SCG3: variants seen among roughly 807,000 people sequenced by gnomAD.
SCG3 encodes secretogranin-3.
SCG3 carries 38 observed loss-of-function variants against 56.2 expected under a neutral mutation model. That is an observed-to-expected ratio of 0.68 (90% CI 0.52 to 0.89). The LOEUF is 0.89. Ranked by LOEUF, SCG3 falls within the 40% of genes least tolerant of loss-of-function variation. The pLI, the probability that SCG3 is intolerant of heterozygous loss-of-function variation, is 0.00. For synonymous variants in SCG3, 176 were observed against 184.2 expected (o/e 0.96, Z 0.36); for missense variants, 524 against 540.7 (o/e 0.97, Z 0.31).
intron 10 of SCG3, among the ~76,000 whole-genome samples, chr15:51,708,540 T>C (rs951725728): frequency 1.3e-5 from 2 of 152,204 alleles, no homozygotes; most frequent in African/African-American, 4.8e-5. Context: ...GCTAAGTGAT[T>C]TTAATGTGCA....
chr15:51,711,373 A>T (rs1203840272), intron 10 of SCG3, among the ~76,000 whole-genome samples: 1 of 152,244 alleles, frequency 6.6e-6, no homozygotes, highest in Non-Finnish European at 1.5e-5. Flanking sequence ...ATCAGAGAAG[A>T]TAGTAGAAAA....
At chr15:51,711,235 G>A (rs1024218558) in intron 10 of SCG3, among the ~76,000 whole-genome samples, 10 of 152,226 alleles carry the variant, frequency 6.6e-5, no homozygotes, top group Non-Finnish European at 1.2e-4. Flanking sequence ...AGTGGGTAAT[G>A]TTTGCCCCAC....
chr15:51,698,993 CA>C (rs1294996350), intron 8 of SCG3, among the ~76,000 whole-genome samples: 1 of 152,136 alleles, frequency 6.6e-6, no homozygotes, highest in Non-Finnish European at 1.5e-5. Context: ...GTGCAGTTAC[CA>C]CAAGGTGTTG....
In SCG3 at chr15:51,719,624, G is replaced by A; in HGVS notation, c.*98G>A. Reference sequence around the variant, plus strand: ...GTGATTAAAATTTTTTGACCCAAGGGTTATTAGAAAGTGCTGAATTTACAG... The same window carrying A: ...GTGATTAAAATTTTTTGACCCAAGGATTATTAGAAAGTGCTGAATTTACAG... On this transcript the variant is annotated 3_prime_UTR_variant, in exon 12 of 12. Coordinates refer to ENST00000220478, the MANE Select transcript of SCG3 (RefSeq NM_013243.4). 1.2e-6 allele frequency: 1 copy of A among 834,234 alleles called. No homozygotes were observed. Among genetic ancestry groups the A allele is most frequent in the Non-Finnish European group, 1.9e-6 (1 of 530,280 alleles). The allele number at this position is 834,234 out of a possible 1,614,324, so 51.7% of individuals were successfully genotyped here.
Position 51,681,749 on chromosome 15 carries a change from TG to T in SCG3, c.-5del. ...GCCGGGCTGTGACCCAAGCCGAGCG[TG>T]GAAGAATGGGGTTCCTCGGGACCGG... On this transcript the variant is annotated 5_prime_UTR_variant, in exon 1 of 12. Coordinates refer to ENST00000220478, the MANE Select transcript of SCG3 (RefSeq NM_013243.4). The T allele has an allele frequency of 6.2e-7, 1 of 1,610,848 alleles. No individual in the cohort carries two copies. The highest frequency in any genetic ancestry group is 8.5e-7 in the Non-Finnish European group (1 of 1,178,010).
chr15:51,704,266 T>C (rs1443742750), intron 10 of SCG3, among the ~76,000 whole-genome samples: 1 of 135,994 alleles, frequency 7.4e-6, no homozygotes, highest in Admixed American at 7.3e-5. Flanking sequence ...TATATATATA[T>C]ATATATATAT....
chr15:51,714,113 C>CA (rs1195210028), intron 11 of SCG3, among the ~76,000 whole-genome samples: 1 of 152,098 alleles, frequency 6.6e-6, no homozygotes, highest in Admixed American at 6.5e-5. Context: ...AGGGACAAAA[C>CA]AGAGGGGTGG....
At chr15:51,704,731 G>T (rs1248049237) in intron 10 of SCG3, among the ~76,000 whole-genome samples, 1 of 126,976 alleles carries the variant, frequency 7.9e-6, no homozygotes, top group African/African-American at 2.8e-5. Context: ...GGACGCTTGG[G>T]TTGCTTCTAC....
chr15:51,705,119 G>T (rs544065136), intron 10 of SCG3, among the ~76,000 whole-genome samples: 2 of 152,146 alleles, frequency 1.3e-5, no homozygotes, highest in South Asian at 4.1e-4. Flanking sequence ...GCAGCATAGA[G>T]CATTACAGCT....
At chr15:51,691,362 C>G (rs775264980) in intron 6 of SCG3, among the ~76,000 whole-genome samples, 2 of 152,144 alleles carry the variant, frequency 1.3e-5, no homozygotes, top group African/African-American at 2.4e-5. Context: ...GTTACATGAT[C>G]AGATTGTTAA....
chr15:51,698,635 T>G (rs900695731), intron 8 of SCG3, among the ~76,000 whole-genome samples: 1 of 152,200 alleles, frequency 6.6e-6, no homozygotes, highest in Non-Finnish European at 1.5e-5. Context: ...GGCTTTGGGT[T>G]TGCGAATTCC....
chr15:51,681,678 T>C lies in SCG3; in HGVS notation c.-78T>C, dbSNP rs2055195041. 3 of 564,348 alleles carry C rather than the reference T, an allele frequency of 5.3e-6. No individual in the cohort carries two copies. Among genetic ancestry groups the C allele is most frequent in the Admixed American group, 2.2e-5 (1 of 45,290 alleles). The allele number at this position is 564,348 out of a possible 1,614,324, so 35.0% of individuals were successfully genotyped here. A position where few individuals can be genotyped will look rare whatever the true frequency, so the allele number is the denominator to read the frequency against. ...CCCTCCTGGCTCTTCCTGTTTTTAC[T>C]CCTCCTTTTCATTCATAACAAAAGC... On this transcript the variant is annotated 5_prime_UTR_variant, in exon 1 of 12. Coordinates refer to ENST00000220478, the MANE Select transcript of SCG3 (RefSeq NM_013243.4).
intron 11 of SCG3, among the ~76,000 whole-genome samples, chr15:51,715,959 G>A (rs1032369415): frequency 6.6e-6 from 1 of 151,928 alleles, no homozygotes; most frequent in African/African-American, 2.4e-5. Context: ...CAGGGTTCAC[G>A]CCATTCTCCT....
At chr15:51,716,523 T>C (rs2055456902) in intron 11 of SCG3, among the ~76,000 whole-genome samples, 1 of 152,244 alleles carries the variant, frequency 6.6e-6, no homozygotes, top group African/African-American at 2.4e-5. Context: ...AGAACCTGAC[T>C]CTACCACTAC....
chr15:51,688,122 C>T (rs1225792966), intron 4 of SCG3, 138 bp from the exon 5 acceptor site: 16 of 787,858 alleles, frequency 2.0e-5, no homozygotes, highest in Non-Finnish European at 2.9e-5. Flanking sequence ...CCGAGGGTTT[C>T]TGTGGACCGA....
rs779323362 is a variant in SCG3 at position 51,683,312 on chromosome 15, A to T, written c.275A>T (p.Gln92Leu). 5.0e-6 allele frequency: 8 copies of T among 1,613,494 alleles called. No homozygotes were observed. The South Asian group carries it at 8.8e-5, about 18-fold the overall frequency. Residue 92 changes from glutamine (Q) to leucine (L), a missense_variant, in exon 4 of 12, where the codon CAA becomes CTA. Physicochemically the swap from Gln to Leu is moderately radical, Grantham distance 113. Coordinates refer to ENST00000220478, the MANE Select transcript of SCG3 (RefSeq NM_013243.4). ...TEKEKIEKER[Q>L]SIRSSPLDNK... ...AAGGAAAAAATTGAGAAAGAAAGAC[A>T]ATCTATAAGAAGCTCCCCACTTGAT...
At chr15:51,693,103 A>G (rs2055278501) in intron 7 of SCG3, 1 of 152,106 alleles carries the variant, frequency 6.6e-6, no homozygotes, top group Non-Finnish European at 1.5e-5. Context: ...GAGTTTGACT[A>G]TTTGAGATTC....
chr15:51,689,840 A>C (rs551306816), intron 6 of SCG3, among the ~76,000 whole-genome samples: 1 of 152,244 alleles, frequency 6.6e-6, no homozygotes, highest in African/African-American at 2.4e-5. Flanking sequence ...AAAATACCAA[A>C]AAGTTAAAAG....
At chr15:51,708,544 A>G (rs1309161792) in intron 10 of SCG3, among the ~76,000 whole-genome samples, 1 of 152,196 alleles carries the variant, frequency 6.6e-6, no homozygotes, top group Non-Finnish European at 1.5e-5. Flanking sequence ...AGTGATTTTA[A>G]TGTGCATCAA....
Sources: allele counts gnomAD v4.1 joint callset (sites outside exome capture counted in the v4.1 genomes callset), GRCh38; gene constraint gnomAD v4.1.1; transcripts MANE v1.5; gene names NCBI Gene and HGNC (gene_info 2026-07-23, HGNC 2026-07-21).